The following CLIC2 variants were observed in gnomAD, a reference collection of about 807,000 sequenced individuals.
The protein encoded by CLIC2 is CLIC family member 2, also known as chloride intracellular channel protein 2.
A neutral mutation model predicts 14.8 loss-of-function variants in CLIC2; 9 were observed. The observed-to-expected ratio is 0.61, with a 90% CI of 0.37 to 1.06. The LOEUF (loss-of-function observed/expected upper bound fraction) is 1.06. Among genes scored for constraint, CLIC2 ranks in the 50% least tolerant of loss-of-function variants. CLIC2 has a pLI of 0.01. For synonymous variants in CLIC2, 61 were observed against 66.3 expected, an observed-to-expected ratio of 0.92 and a Z score of 0.39; for missense variants, 148 against 181.4, an observed-to-expected ratio of 0.82 and a Z score of 1.06.
intron 3 of CLIC2, among the ~76,000 whole-genome samples, chrX:155,293,977 C>T (rs782016143): frequency 1.3e-4 from 15 of 111,564 alleles, no homozygotes; most frequent in Admixed American, 3.8e-4. Flanking sequence ...ACTTTAACAT[C>T]CCACTGTCAA....
chrX:155,278,458 T>G (rs1474116457), intron 5 of CLIC2, among the ~76,000 whole-genome samples: 1 of 112,287 alleles, frequency 8.9e-6, no homozygotes, highest in Non-Finnish European at 1.9e-5. Flanking sequence ...AAATATTTAT[T>G]AAATTTATGA....
At chrX:155,319,803 C>T (rs902718426) in intron 1 of CLIC2, among the ~76,000 whole-genome samples, 3 of 112,089 alleles carry the variant, frequency 2.7e-5, no homozygotes, top group Admixed American at 1.9e-4. Context: ...AAGCTAAGAT[C>T]CACTGGCTTG....
intron 3 of CLIC2, among the ~76,000 whole-genome samples, chrX:155,285,975 A>C (rs2085357624): frequency 9.1e-6 from 1 of 110,052 alleles, no homozygotes; most frequent in Non-Finnish European, 1.9e-5. Flanking sequence ...AACCATATTT[A>C]TTTCATTAAA....
chrX:155,280,418 C>T (rs782030107), intron 3 of CLIC2, among the ~76,000 whole-genome samples: 2 of 112,022 alleles, frequency 1.8e-5, no homozygotes, highest in African/African-American at 6.5e-5. Context: ...TTTGGCCAGG[C>T]GCAGTGGCTC....
chrX:155,303,118 C>A (rs1384043473), intron 1 of CLIC2, among the ~76,000 whole-genome samples: 2 of 95,669 alleles, frequency 2.1e-5, no homozygotes, highest in Non-Finnish European at 4.2e-5. Context: ...GAGCCGAGTT[C>A]AATTCCTGGG....
intron 3 of CLIC2, among the ~76,000 whole-genome samples, chrX:155,282,711 A>C (rs183075815): frequency 2.9e-4 from 32 of 111,106 alleles, no homozygotes; most frequent in African/African-American, 9.8e-4. Flanking sequence ...CTCAGCTTTC[A>C]GGCCCTCTCC....
intron 3 of CLIC2, among the ~76,000 whole-genome samples, chrX:155,282,530 G>A (rs892147086): frequency 9.0e-6 from 1 of 111,053 alleles, no homozygotes; most frequent in African/African-American, 3.3e-5. Context: ...GACTTGGGCA[G>A]TAGGCCAGCC....
At chrX:155,297,781 GACCCGA>G (rs2074997915) in intron 3 of CLIC2, among the ~76,000 whole-genome samples, 1 of 93,837 alleles carries the variant, frequency 1.1e-5, no homozygotes, top group Non-Finnish European at 2.1e-5. Context: ...GTGAACCCGA[GACCCGA>G]GAGGCGGAGC....
At chrX:155,282,817 C>CA (rs2074924962) in intron 3 of CLIC2, among the ~76,000 whole-genome samples, 1 of 111,854 alleles carries the variant, frequency 8.9e-6, no homozygotes, top group Non-Finnish European at 1.9e-5. Context: ...TTCACACTCC[C>CA]AGGCTTTGGG....
chrX:155,303,152 G>A (rs1445167035), intron 1 of CLIC2, among the ~76,000 whole-genome samples: 4 of 90,676 alleles, frequency 4.4e-5, no homozygotes, highest in East Asian at 3.6e-4. Context: ...TTTCTGTCTC[G>A]TTGATCTGTC....
At chrX:155,290,453 G>T in intron 3 of CLIC2, 1 of 509,034 alleles carries the variant, frequency 2.0e-6, no homozygotes, top group Non-Finnish European at 3.6e-6. Context: ...TCTTCACAAA[G>T]GAAGTCTGAA....
At chrX:155,322,044 C>T (rs1428407544) in intron 1 of CLIC2, among the ~76,000 whole-genome samples, 2 of 111,459 alleles carry the variant, frequency 1.8e-5, no homozygotes, top group Non-Finnish European at 3.8e-5. Context: ...AATACAGGAG[C>T]AACCAGATTC....
At chrX:155,325,761 G>GAT (rs60334475) in intron 1 of CLIC2, among the ~76,000 whole-genome samples, 784 of 32,744 alleles carry the variant, frequency 0.024, 11 homozygotes, top group Middle Eastern at 0.069. Context: ...AAGAAAATGT[G>GAT]ATATATATAT....
rs1602940915 is a variant in CLIC2 at position 155,299,141 on chromosome X, C to A, written c.62G>T (p.Gly21Val). The stretch of plus-strand genomic sequence containing the variant: ...GTTTCCAATACTCTCTCCATCACTT[C>A]CAGCCTATTAAGATAAAGAGAGACC... Reference protein sequence around the residue: ...DPEIELFVKAGSDGESIGNCP... With the variant: ...DPEIELFVKAVSDGESIGNCP... The change falls in exon 2 of 6, where the codon GGA becomes GTA. Residue 21 changes from glycine to valine, a missense_variant. By Grantham distance (109) the Gly-to-Val change is moderately radical. Transcript: ENST00000369449. The A allele has an allele frequency of 8.4e-7, 1 of 1,188,372 alleles. No homozygotes were observed. The highest frequency in any genetic ancestry group is 1.1e-6 in the Non-Finnish European group (1 of 874,741).
At chrX:155,318,368 CA>C (rs2075101992) in intron 1 of CLIC2, among the ~76,000 whole-genome samples, 1 of 111,673 alleles carries the variant, frequency 9.0e-6, no homozygotes, top group Admixed American at 9.5e-5. Flanking sequence ...TTTCAGGATA[CA>C]AAATTAATGT....
chrX:155,281,771 G>C (rs1343851514), intron 3 of CLIC2, among the ~76,000 whole-genome samples: 5 of 111,301 alleles, frequency 4.5e-5, no homozygotes. Flanking sequence ...CCCATAGACA[G>C]AGCAATCATG....
chrX:155,320,582 A>G (rs1246836536), intron 1 of CLIC2, among the ~76,000 whole-genome samples: 1 of 112,253 alleles, frequency 8.9e-6, no homozygotes, highest in Non-Finnish European at 1.9e-5. Flanking sequence ...GACCAAAAGT[A>G]GACAAATCCA....
intron 1 of CLIC2, among the ~76,000 whole-genome samples, chrX:155,318,482 A>G (rs1227113448): frequency 8.9e-6 from 1 of 111,999 alleles, no homozygotes; most frequent in Non-Finnish European, 1.9e-5. Context: ...AATAAAATGA[A>G]CAACTCAGGA....
chrX:155,294,906 G>A (rs1225130371), intron 3 of CLIC2, among the ~76,000 whole-genome samples: 1 of 111,492 alleles, frequency 9.0e-6, no homozygotes, highest in East Asian at 2.8e-4. Flanking sequence ...ATGAAGAAAA[G>A]CACAGGACTG....
Sources: allele counts gnomAD v4.1 joint callset (sites outside exome capture counted in the v4.1 genomes callset), GRCh38; gene constraint gnomAD v4.1.1; transcripts MANE v1.5; gene names NCBI Gene and HGNC (gene_info 2026-07-23, HGNC 2026-07-21).